The following SPIDR variants were observed in gnomAD, a reference collection of about 807,000 sequenced individuals.
SPIDR encodes the protein scaffold protein involved in DNA repair, also known as DNA repair-scaffolding protein.
Under a neutral mutation model 104.6 loss-of-function variants are expected in SPIDR, and 93 were observed. The ratio of observed to expected loss-of-function variants is 0.89; its 90% CI spans 0.75 to 1.06. SPIDR has a LOEUF of 1.06. SPIDR is among the 50% of genes least tolerant of loss of function. The pLI is 0.00. For missense variants in SPIDR, 1,154 were observed against 1,111.2 expected (o/e 1.04, Z -0.55); for synonymous variants, 431 against 416.9 (o/e 1.03, Z -0.41).
chr8:47,406,930 A>G (rs1437070241), intron 6 of SPIDR, among the ~76,000 whole-genome samples: 1 of 152,212 alleles, frequency 6.6e-6, no homozygotes, highest in African/African-American at 2.4e-5. Flanking sequence ...ATGTAGTGAA[A>G]TGATTAATGA....
In SPIDR at chr8:47,595,980, C is replaced by G; in HGVS notation, c.1267C>G (p.Leu423Val). 1 of 1,612,126 alleles carries G rather than the reference C, an allele frequency of 6.2e-7. No homozygotes were observed. The highest frequency in any genetic ancestry group is 2.2e-5 in the East Asian group (1 of 44,862). ...SLAQMFVIKG[L>V]TNNSPEIQVV... ...GGCCCAGATGTTTGTAATTAAGGGT[C>G]TAACAAATAATTCACCTGAAATCCA... is the stretch of plus-strand genomic sequence containing the variant. The change falls in exon 9 of 20, where the codon CTA (leucine) becomes GTA (valine). Residue 423 changes from leucine (L) to valine (V), a missense_variant. By Grantham distance (32) the Leu-to-Val change is conservative (BLOSUM62 1). Transcript: ENST00000297423.
At chr8:47,485,615 C>T (rs1327490202) in intron 8 of SPIDR, among the ~76,000 whole-genome samples, 1 of 152,226 alleles carries the variant, frequency 6.6e-6, no homozygotes, top group East Asian at 1.9e-4. Context: ...TAGGGGGAGA[C>T]TGACACCTAA....
At chr8:47,353,037 AG>A (rs142884241) in intron 5 of SPIDR, among the ~76,000 whole-genome samples, 11,937 of 132,432 alleles carry the variant, frequency 0.09, 628 homozygotes, top group African/African-American at 0.16. Context: ...CAGGCGACAG[AG>A]CGGGACTCTA....
intron 5 of SPIDR, among the ~76,000 whole-genome samples, chr8:47,310,793 A>G (rs1477539848): frequency 1.3e-5 from 2 of 152,220 alleles, no homozygotes; most frequent in Non-Finnish European, 2.9e-5. Flanking sequence ...TTTCATTTGC[A>G]CAAGAAAGAG....
chr8:47,595,048 A>C (rs1564426208), intron 8 of SPIDR, among the ~76,000 whole-genome samples: 1 of 152,106 alleles, frequency 6.6e-6, no homozygotes, highest in Non-Finnish European at 1.5e-5. Context: ...CCACTGCCTC[A>C]TTCCTGAAGT....
At position 47,612,922 on chromosome 8, in the gene SPIDR, G is replaced by A. The variant is rs555222735; in HGVS notation, c.1544+13726G>A. ...GCCACGGAGGAAATGGATGCTATGC[G>A]GCAGGCTCCCTGAATGCCTGCTAGA... On this transcript the variant is annotated intron_variant, in intron 10 of 19. Coordinates refer to ENST00000297423, the MANE Select transcript of SPIDR (RefSeq NM_001080394.4). Among the ~76,000 whole-genome samples, 5 of 152,306 alleles carry A rather than the reference G, an allele frequency of 3.3e-5. No individual in the cohort carries two copies. The South Asian group carries it at 8.3e-4, about 25-fold the overall frequency.
At chr8:47,708,630 A>G (rs2081412813) in intron 14 of SPIDR, among the ~76,000 whole-genome samples, 1 of 152,202 alleles carries the variant, frequency 6.6e-6, no homozygotes, top group Non-Finnish European at 1.5e-5. Context: ...TCATAGTATC[A>G]TATGGAGCAG....
chr8:47,569,127 A>G (rs949002734), intron 8 of SPIDR, among the ~76,000 whole-genome samples: 1 of 152,228 alleles, frequency 6.6e-6, no homozygotes, highest in African/African-American at 2.4e-5. Flanking sequence ...AGATAGGTAT[A>G]TCATTGTAGA....
At chr8:47,508,752 C>G (rs2082653828) in intron 8 of SPIDR, among the ~76,000 whole-genome samples, 1 of 152,094 alleles carries the variant, frequency 6.6e-6, no homozygotes, top group South Asian at 2.1e-4. Context: ...CCATTTGTAT[C>G]TGACCCCCAC....
intron 7 of SPIDR, among the ~76,000 whole-genome samples, chr8:47,435,211 G>A (rs1435293720): frequency 1.3e-5 from 2 of 151,878 alleles, no homozygotes; most frequent in African/African-American, 2.4e-5. Context: ...TGCTGCTCAG[G>A]CTGGTCTTGA....
rs375846580 is a variant in SPIDR, at chr8:47,291,829, T to C, written c.361+692T>C. Among the ~76,000 whole-genome samples, 575 of 152,316 alleles carry C rather than the reference T, an allele frequency of 3.8e-3. 3 individuals carry two copies. The highest frequency in any genetic ancestry group is 0.022 in the South Asian group (106 of 4,820). On this transcript the variant is annotated intron_variant, in intron 4 of 19. Coordinates refer to ENST00000297423, the MANE Select transcript of SPIDR (RefSeq NM_001080394.4). Reference sequence around the variant, plus strand: ...ACCAGTGTGTGGTAGAGGTGTAACGTACTGACAAATTTCTATTCAGATGGC... The same window carrying C: ...ACCAGTGTGTGGTAGAGGTGTAACGCACTGACAAATTTCTATTCAGATGGC...
At chr8:47,558,535 A>G (rs892485212) in intron 8 of SPIDR, among the ~76,000 whole-genome samples, 5 of 152,204 alleles carry the variant, frequency 3.3e-5, no homozygotes, top group African/African-American at 9.6e-5. Context: ...GCAGTGTTCC[A>G]GCAAGATGCC....
At chr8:47,522,191 AAAG>A (rs1015780974) in intron 8 of SPIDR, among the ~76,000 whole-genome samples, 5 of 151,784 alleles carry the variant, frequency 3.3e-5, no homozygotes, top group African/African-American at 9.7e-5. Flanking sequence ...AAAAAAAAGA[AAAG>A]AAAAAAAGAA....
Position 47,599,138 on chromosome 8 carries a change from G to A in SPIDR, c.1486G>A (p.Asp496Asn). The stretch of plus-strand genomic sequence containing the variant: ...AAGAGTGTATTCTCTTCCCAGCAGA[G>A]ACAGCACCAGGGGTCAGCAGGGGGC... The part of the protein sequence containing the change: ...VQRVYSLPSR[D>N]STRGQQGASS... The change falls in exon 10 of 20, where the codon GAC becomes AAC. Residue 496 changes from aspartate to asparagine, a missense_variant. By Grantham distance (23) the Asp-to-Asn change is conservative. Coordinates refer to ENST00000297423, the MANE Select transcript of SPIDR (RefSeq NM_001080394.4). The A allele has an allele frequency of 6.2e-7, 1 of 1,613,712 alleles. No individual in the cohort carries two copies. The highest frequency in any genetic ancestry group is 8.5e-7 in the Non-Finnish European group (1 of 1,179,870).
At chr8:47,444,838 A>G (rs1554700269) in intron 8 of SPIDR, among the ~76,000 whole-genome samples, 1 of 152,198 alleles carries the variant, frequency 6.6e-6, no homozygotes. Flanking sequence ...ACAGTGTGAT[A>G]TAGTTTTTAA....
intron 8 of SPIDR, among the ~76,000 whole-genome samples, chr8:47,454,462 C>T (rs1386707766): frequency 6.6e-6 from 1 of 151,798 alleles, no homozygotes; most frequent in Non-Finnish European, 1.5e-5. Flanking sequence ...AAACATCACA[C>T]ACCAGGGCCT....
chr8:47,280,108 T>C (rs1370448840), intron 2 of SPIDR, 91 bp downstream of exon 2: 1 of 1,298,476 alleles, frequency 7.7e-7, no homozygotes, highest in Non-Finnish European at 1.1e-6. Flanking sequence ...TGTAATTCCC[T>C]TTCTTATTCT....
chr8:47,663,879 C>A (rs936056293), intron 10 of SPIDR, among the ~76,000 whole-genome samples: 4 of 152,196 alleles, frequency 2.6e-5, no homozygotes, highest in Non-Finnish European at 4.4e-5. Context: ...ACAGTGGATT[C>A]TCTCTCCAAC....
intron 1 of SPIDR, among the ~76,000 whole-genome samples, chr8:47,263,696 C>T (rs2033166404): frequency 6.7e-6 from 1 of 150,286 alleles, no homozygotes; most frequent in Non-Finnish European, 1.5e-5. Context: ...AATGAACTTT[C>T]TTCTGTATGT....
Sources: gnomAD v4.1 joint callset for allele counts (sites outside exome capture counted in the v4.1 genomes callset) on GRCh38, gnomAD v4.1.1 for gene constraint, MANE v1.5 for transcripts, NCBI Gene and HGNC (gene_info 2026-07-23, HGNC 2026-07-21) for gene names.